The following SCFD2 variants were observed in gnomAD, a reference collection of about 807,000 sequenced individuals.
SCFD2 encodes the protein sec1 family domain-containing protein 2.
SCFD2 carries 54 observed loss-of-function variants against 58.9 expected under a neutral mutation model. The ratio of observed to expected loss-of-function variants is 0.92; its 90% CI spans 0.74 to 1.15. The LOEUF is 1.15. Among genes scored for constraint, SCFD2 ranks in the 50% most tolerant of loss-of-function variants. The pLI is 0.00. For synonymous variants in SCFD2, 321 were observed against 335.9 expected (o/e 0.96, Z 0.49); for missense variants, 805 against 836.6 (o/e 0.96, Z 0.47).
intron 5 of SCFD2, among the ~76,000 whole-genome samples, chr4:53,024,885 C>G (rs1722435118): frequency 6.6e-6 from 1 of 152,098 alleles, no homozygotes; most frequent in Non-Finnish European, 1.5e-5. Flanking sequence ...CCTTGGTAAC[C>G]TGAAGACATT....
intron 4 of SCFD2, among the ~76,000 whole-genome samples, chr4:53,198,183 T>C (rs146529909): frequency 6.6e-6 from 1 of 152,202 alleles, no homozygotes; most frequent in East Asian, 1.9e-4. Flanking sequence ...TTTTATTTAA[T>C]AATTGAAAGC....
chr4:53,145,178 T>C (rs72624194), intron 5 of SCFD2, among the ~76,000 whole-genome samples, 155 bp downstream of exon 5: 12,056 of 152,248 alleles, frequency 0.079, 690 homozygotes, highest in East Asian at 0.24. Flanking sequence ...TGTTGGGGAC[T>C]GTTGCTATAG....
intron 5 of SCFD2, among the ~76,000 whole-genome samples, chr4:53,073,736 AT>A (rs11365609): frequency 0.62 from 94,828 of 151,898 alleles, 30,151 homozygotes; most frequent in African/African-American, 0.75. Context: ...AGTTGCATGA[AT>A]TTTTTTTGAT....
chr4:53,343,225 AAG>A (rs1428382866), intron 2 of SCFD2, among the ~76,000 whole-genome samples: 1 of 152,190 alleles, frequency 6.6e-6, no homozygotes, highest in Non-Finnish European at 1.5e-5. Flanking sequence ...AGACTAATAA[AAG>A]AGAGAAGAAT....
At chr4:52,908,528 C>T (rs868235673) in intron 6 of SCFD2, among the ~76,000 whole-genome samples, 30 of 152,198 alleles carry the variant, frequency 2.0e-4, no homozygotes, top group African/African-American at 6.8e-4. Flanking sequence ...CAGTTTCTAA[C>T]AGGGCACAGT....
intron 5 of SCFD2, among the ~76,000 whole-genome samples, chr4:52,936,234 C>T (rs1011176204): frequency 6.6e-6 from 1 of 152,060 alleles, no homozygotes; most frequent in Non-Finnish European, 1.5e-5. Flanking sequence ...TTGCTGGGTA[C>T]CTGGATTAAC....
At chr4:53,322,408 C>G (rs1395648596) in intron 2 of SCFD2, among the ~76,000 whole-genome samples, 2 of 152,166 alleles carry the variant, frequency 1.3e-5, no homozygotes, top group African/African-American at 4.8e-5. Flanking sequence ...CCTATATGGT[C>G]TACAAAGGAG....
intron 4 of SCFD2, among the ~76,000 whole-genome samples, chr4:53,219,955 C>T (rs1320573654): frequency 6.6e-6 from 1 of 152,154 alleles, no homozygotes; most frequent in Non-Finnish European, 1.5e-5. Context: ...CACACCACAG[C>T]AGTGGCCTCC....
At chr4:53,105,755 C>T (rs1045321106) in intron 5 of SCFD2, among the ~76,000 whole-genome samples, 16 of 152,238 alleles carry the variant, frequency 1.1e-4, no homozygotes, top group Admixed American at 3.9e-4. Flanking sequence ...CGGCTGTGGG[C>T]GCAGCTTCAG....
chr4:53,016,279 A>G (rs1393357288), intron 5 of SCFD2, among the ~76,000 whole-genome samples: 4 of 152,222 alleles, frequency 2.6e-5, no homozygotes, highest in African/African-American at 7.2e-5. Flanking sequence ...CCAAGGAGGA[A>G]TCTTCTTTAA....
chr4:52,875,205 C>T (rs1718442875), intron 8 of SCFD2, among the ~76,000 whole-genome samples: 1 of 152,186 alleles, frequency 6.6e-6, no homozygotes, highest in South Asian at 2.1e-4. Flanking sequence ...TACTCCCTTA[C>T]TCCACATGCA....
At chr4:53,253,068 A>G (rs1168035176) in intron 4 of SCFD2, among the ~76,000 whole-genome samples, 1 of 152,362 alleles carries the variant, frequency 6.6e-6, no homozygotes, top group East Asian at 1.9e-4. Context: ...CCCACCAAAA[A>G]GTGGAAAAAG....
chr4:53,260,819 T>A (rs1326379045), intron 4 of SCFD2, among the ~76,000 whole-genome samples: 1 of 151,950 alleles, frequency 6.6e-6, no homozygotes, highest in Admixed American at 6.6e-5. Context: ...ATTCTTTGAA[T>A]GTCTGATAAA....
intron 4 of SCFD2, among the ~76,000 whole-genome samples, chr4:53,191,192 T>C (rs1373691693): frequency 1.3e-5 from 2 of 151,798 alleles, no homozygotes; most frequent in African/African-American, 4.8e-5. Context: ...CTACTAAAAA[T>C]ACGAAAAATT....
intron 3 of SCFD2, among the ~76,000 whole-genome samples, chr4:53,308,335 GTCTCTTAT>G (rs1331844148): frequency 2.0e-5 from 3 of 152,138 alleles, no homozygotes; most frequent in African/African-American, 7.2e-5. Flanking sequence ...ATCAGTATAT[GTCTCTTAT>G]GAGGCAGCCA....
At chr4:53,092,553 AAG>A (rs139452387) in intron 5 of SCFD2, among the ~76,000 whole-genome samples, 6 of 150,726 alleles carry the variant, frequency 4.0e-5, no homozygotes, top group African/African-American at 1.4e-4. Context: ...CATGTCCAAT[AAG>A]AGATAAATGG....
In SCFD2 at chr4:53,296,992, G is replaced by C. The variant is rs540400164; in HGVS notation, c.1135+16644C>G. Among the ~76,000 whole-genome samples, 15 of 152,244 alleles carry C rather than the reference G, an allele frequency of 9.9e-5. No individual in the cohort carries two copies. The East Asian group carries it at 2.9e-3, about 29-fold the overall frequency. On this transcript the variant is annotated intron_variant, in intron 3 of 8. Coordinates refer to ENST00000401642, the MANE Select transcript of SCFD2 (RefSeq NM_152540.4). The stretch of plus-strand genomic sequence containing the variant: ...CTCAGTTCTAATTTGATCGTACTGT[G>C]GTCTGAGAGAATGTTTGTTATGATT...
intron 4 of SCFD2, among the ~76,000 whole-genome samples, chr4:53,233,991 A>T (rs530334464): frequency 2.6e-4 from 39 of 152,340 alleles, no homozygotes; most frequent in African/African-American, 7.9e-4. Context: ...CTCATAAAAA[A>T]AGTTATCAAT....
At chr4:53,319,416 A>C (rs1337040505) in intron 2 of SCFD2, among the ~76,000 whole-genome samples, 1 of 152,240 alleles carries the variant, frequency 6.6e-6, no homozygotes, top group Non-Finnish European at 1.5e-5. Flanking sequence ...TATCATTCAT[A>C]TAACTGAAAA....
Sources: allele counts gnomAD v4.1 joint callset (sites outside exome capture counted in the v4.1 genomes callset), GRCh38; gene constraint gnomAD v4.1.1; transcripts MANE v1.5; gene names NCBI Gene and HGNC (gene_info 2026-07-23, HGNC 2026-07-21).